The following PTPRE variants were observed in gnomAD, a reference collection of about 807,000 sequenced individuals.
PTPRE encodes the protein protein tyrosine phosphatase receptor type E, also known as receptor-type tyrosine-protein phosphatase epsilon.
A neutral mutation model predicts 102.0 loss-of-function variants in PTPRE; 51 were observed. That is an observed-to-expected ratio of 0.50 (90% CI 0.40 to 0.63). PTPRE has a LOEUF of 0.63. Ranked by LOEUF, PTPRE falls within the 30% of genes least tolerant of loss-of-function variation. The pLI, the probability that PTPRE is intolerant of heterozygous loss-of-function variation, is 0.00. For synonymous variants in PTPRE, 345 were observed against 348.2 expected (o/e 0.99, Z 0.10); for missense variants, 752 against 915.1 (o/e 0.82, Z 2.30).
chr10:128,082,195 C>CTCTCTTTTTTTTTTTTTTTTTTTTTTTTT (rs1554951767), intron 20 of PTPRE, among the ~76,000 whole-genome samples: 2 of 89,036 alleles, frequency 2.2e-5, no homozygotes, highest in African/African-American at 4.6e-5. Context: ...TTTTCTCTTT[C>CTCTCTTTTTTTTTTTTTTTTTTTTTTTTT]TTTTTTTTTT....
chr10:128,080,147 C>T (rs903398090), intron 20 of PTPRE, among the ~76,000 whole-genome samples: 3 of 152,172 alleles, frequency 2.0e-5, no homozygotes, highest in Non-Finnish European at 4.4e-5. Flanking sequence ...CTCAAGATAC[C>T]GTCCACGGGC....
At chr10:128,034,352 C>T (rs1186063712) in intron 2 of PTPRE, among the ~76,000 whole-genome samples, 47 of 149,360 alleles carry the variant, frequency 3.1e-4, no homozygotes, top group Non-Finnish European at 1.5e-5. Context: ...ACACACAGAA[C>T]TCTTGGCTTT....
intron 17 of PTPRE, 64 bp downstream of exon 17, chr10:128,073,535 T>C (rs1186062886): frequency 6.5e-7 from 1 of 1,549,920 alleles, no homozygotes; most frequent in East Asian, 2.3e-5. Context: ...ACTGTCCCCG[T>C]TCATTACAAA....
chr10:127,965,717 G>A (rs1208439231), intron 1 of PTPRE, among the ~76,000 whole-genome samples: 6 of 152,126 alleles, frequency 3.9e-5, no homozygotes, highest in African/African-American at 7.2e-5. Flanking sequence ...CCCCTTCTGG[G>A]TGCGGTGAGG....
intron 16 of PTPRE, among the ~76,000 whole-genome samples, chr10:128,072,852 C>A (rs528530961): frequency 6.6e-6 from 1 of 152,154 alleles, no homozygotes; most frequent in South Asian, 2.1e-4. Context: ...TGTGTACCCA[C>A]GTGGACAATA....
intron 2 of PTPRE, among the ~76,000 whole-genome samples, chr10:127,982,566 T>A (rs1296742014): frequency 6.6e-6 from 1 of 151,834 alleles, no homozygotes; most frequent in Admixed American, 6.6e-5. Flanking sequence ...CTGAAATGTA[T>A]TGTTGAGGAC....
chr10:127,981,733 G>A (rs747861445), intron 1 of PTPRE, among the ~76,000 whole-genome samples: 30 of 151,842 alleles, frequency 2.0e-4, no homozygotes, highest in Non-Finnish European at 4.1e-4. Context: ...CAGGAGAATC[G>A]CTTGAACTGG....
At chr10:128,007,232 G>T (rs1030727842) in intron 2 of PTPRE, among the ~76,000 whole-genome samples, 1 of 152,082 alleles carries the variant, frequency 6.6e-6, no homozygotes, top group South Asian at 2.1e-4. Context: ...GAAAAATACT[G>T]CTCAACTCCA....
intron 20 of PTPRE, 30 bp from the exon 21 acceptor site, chr10:128,082,802 A>T: frequency 6.5e-7 from 1 of 1,537,674 alleles, no homozygotes; most frequent in Non-Finnish European, 8.7e-7. Context: ...TGGGAATATC[A>T]TTTTAATGTG....
chr10:127,967,861 G>A lies in PTPRE; in HGVS notation c.-30-14413G>A, dbSNP rs1010771728. 2.6e-4 allele frequency among the ~76,000 whole-genome samples: 40 copies of A among 152,136 alleles called. 2 individuals are homozygous for A. The highest frequency in any genetic ancestry group is 5.7e-4 in the Non-Finnish European group (39 of 68,032). On this transcript the variant is annotated intron_variant, in intron 1 of 20. Transcript: ENST00000254667. ...ACTTCTGACACCATAGATTAGTTTC[G>A]CCTGCTTTCGAACTTTCTATAAGCT...
At chr10:127,916,787 G>A (rs1178392959) in intron 1 of PTPRE, among the ~76,000 whole-genome samples, 1 of 152,194 alleles carries the variant, frequency 6.6e-6, no homozygotes, top group African/African-American at 2.4e-5. Flanking sequence ...CGGACCAGCA[G>A]TTCTTACCGT....
At chr10:127,926,961 A>G (rs1169458757) in intron 1 of PTPRE, among the ~76,000 whole-genome samples, 1 of 151,638 alleles carries the variant, frequency 6.6e-6, no homozygotes, top group Non-Finnish European at 1.5e-5. Context: ...ACAGGTGTGC[A>G]CCACCACACC....
intron 2 of PTPRE, among the ~76,000 whole-genome samples, chr10:128,018,167 G>A (rs937229834): frequency 5.9e-5 from 9 of 152,126 alleles, no homozygotes; most frequent in African/African-American, 1.9e-4. Context: ...GGCTGGGGGC[G>A]TGGGAGGTAG....
At chr10:127,955,997 C>T (rs1849376009) in intron 1 of PTPRE, among the ~76,000 whole-genome samples, 2 of 152,178 alleles carry the variant, frequency 1.3e-5, no homozygotes, top group African/African-American at 4.8e-5. Flanking sequence ...CAAGCCCCTC[C>T]TCCAATTTGA....
chr10:128,069,541 C>G, intron 12 of PTPRE, 151 bp from the exon 13 acceptor site: 1 of 1,021,300 alleles, frequency 9.8e-7, no homozygotes, highest in South Asian at 1.6e-5. Flanking sequence ...CCACAGCTCC[C>G]TCTGGTGGCT....
At chr10:128,005,345 G>A (rs530883451) in intron 2 of PTPRE, among the ~76,000 whole-genome samples, 2 of 152,240 alleles carry the variant, frequency 1.3e-5, no homozygotes, top group Non-Finnish European at 2.9e-5. Context: ...AGAGAGAAAG[G>A]CTCAGCTTGG....
chr10:128,038,542 CA>C (rs1206782801), intron 2 of PTPRE, among the ~76,000 whole-genome samples: 2 of 151,400 alleles, frequency 1.3e-5, no homozygotes, highest in East Asian at 2.0e-4. Context: ...TCATTCTGAG[CA>C]AACTATCACA....
chr10:127,974,712 A>G (rs1365495189), intron 1 of PTPRE, among the ~76,000 whole-genome samples: 3 of 152,222 alleles, frequency 2.0e-5, no homozygotes, highest in Non-Finnish European at 4.4e-5. Context: ...TGATGTACTC[A>G]TTCAACTAGT....
At chr10:128,079,786 T>C in intron 20 of PTPRE, 91 bp downstream of exon 20, 2 of 1,442,708 alleles carry the variant, frequency 1.4e-6, no homozygotes, top group Non-Finnish European at 9.4e-7. Flanking sequence ...CTTAAGTACA[T>C]GGGGGAGGTG....
Sources: allele counts gnomAD v4.1 joint callset (sites outside exome capture counted in the v4.1 genomes callset), GRCh38; gene constraint gnomAD v4.1.1; transcripts MANE v1.5; gene names NCBI Gene and HGNC (gene_info 2026-07-23, HGNC 2026-07-21).